MYH7: variants seen among roughly 807,000 people sequenced by gnomAD.
The protein encoded by MYH7 is myosin-7.
Under a neutral mutation model 225.4 loss-of-function variants are expected in MYH7, and 129 were observed. That is an observed-to-expected ratio of 0.57 (90% CI 0.50 to 0.66). The LOEUF (loss-of-function observed/expected upper bound fraction) is 0.66. Ranked by LOEUF, MYH7 falls within the 30% of genes least tolerant of loss-of-function variation. MYH7 has a pLI of 0.00. For synonymous variants in MYH7, 971 were observed against 1,007.6 expected (o/e 0.96, Z 0.69); for missense variants, 1,649 against 2,517.0 (o/e 0.66, Z 7.38).
chr14:23,419,937 G>A lies in MYH7; in HGVS notation c.3634C>T (p.Arg1212Trp), dbSNP rs1555337102. The change falls in exon 27 of 40, where the codon CGG becomes TGG. Residue 1212 changes from arginine (R) to tryptophan (W), a missense_variant. Transcript: ENST00000355349. The stretch of plus-strand genomic sequence containing the variant: ...TCCTTCTCCAGCTTCTGCTTCACCC[G>A]CTGCAGGTTGTCGATCTGCTCGCCC... ...ELGEQIDNLQ[R>W]VKQKLEKEKS... 6.8e-6 allele frequency: 11 copies of A among 1,611,040 alleles called. No individual in the cohort carries two copies. Among genetic ancestry groups the A allele is most frequent in the Non-Finnish European group, 8.5e-6 (10 of 1,178,084 alleles).
chr14:23,424,958 C>G lies in MYH7; in HGVS notation c.2490G>C (p.Met830Ile). ...GCGGCTTGATCTTGAAGTAGAGCTTCATCCAGGGCCAATTCTTGACCCCCA... is the reference window on the plus strand; with the variant it reads ...GCGGCTTGATCTTGAAGTAGAGCTTGATCCAGGGCCAATTCTTGACCCCCA... ...AFMGVKNWPW[M>I]KLYFKIKPLL... The change falls in exon 22 of 40, where the codon ATG becomes ATC. Residue 830 changes from methionine to isoleucine, a missense_variant. This residue lies in a region of MYH7 where 10 missense variants were observed against 35.5 expected (regional missense o/e 0.28). Coordinates refer to ENST00000355349, the MANE Select transcript of MYH7 (RefSeq NM_000257.4). 6.2e-7 allele frequency: 1 copy of G among 1,614,230 alleles called. No individual in the cohort carries two copies. Among genetic ancestry groups the G allele is most frequent in the Non-Finnish European group, 8.5e-7 (1 of 1,180,044 alleles).
rs15808 is a variant in MYH7, at chr14:23,412,848, G to T, written c.*6C>A. 1 of 1,614,072 alleles carries T rather than the reference G, an allele frequency of 6.2e-7. No individual in the cohort carries two copies. The highest frequency in any genetic ancestry group is 8.5e-7 in the Non-Finnish European group (1 of 1,179,984). Reference sequence around the variant, plus strand: ...CCAGGGCTGAGCAGATCAAGATGTGGCAAAGCTACTCCTCATTCAAGCCCT... The same window carrying T: ...CCAGGGCTGAGCAGATCAAGATGTGTCAAAGCTACTCCTCATTCAAGCCCT... On this transcript the variant is annotated 3_prime_UTR_variant, in exon 40 of 40. Coordinates refer to ENST00000355349, the MANE Select transcript of MYH7 (RefSeq NM_000257.4).
intron 29 of MYH7, 102 bp downstream of exon 29, chr14:23,419,075 T>C (rs1489750626): frequency 1.9e-6 from 2 of 1,054,188 alleles, no homozygotes; most frequent in African/African-American, 1.6e-5. Context: ...TGGAGAACTG[T>C]TGGTCCACAG....
In MYH7 at chr14:23,420,999, C is replaced by T; in HGVS notation, c.3295G>A (p.Ala1099Thr). ...TTCTTCTGCAGCTGGCTGCCGAGGG[C>T]CTGTTCATCCTCAATCCTTGCGTTG... The part of the protein sequence containing the change: ...ALNARIEDEQ[A>T]LGSQLQKKLK... Residue 1099 changes from alanine to threonine, a missense_variant, in exon 26 of 40, where the codon GCC (alanine) becomes ACC (threonine). This residue lies in a region of MYH7 where 282 missense variants were observed against 315.3 expected (regional missense o/e 0.89). Coordinates refer to ENST00000355349, the MANE Select transcript of MYH7 (RefSeq NM_000257.4). 6.2e-7 allele frequency: 1 copy of T among 1,612,632 alleles called. No individual in the cohort carries two copies. Among genetic ancestry groups the T allele is most frequent in the Non-Finnish European group, 8.5e-7 (1 of 1,180,012 alleles).
intron 6 of MYH7, among the ~76,000 whole-genome samples, chr14:23,432,098 T>C (rs1390749924): frequency 1.3e-5 from 2 of 152,220 alleles, no homozygotes; most frequent in East Asian, 3.8e-4. Flanking sequence ...AGCCTGTGCT[T>C]GGCTGGGCAA....
chr14:23,432,818 G>GACTT, intron 4 of MYH7, 23 bp from the exon 5 acceptor site: 1 of 1,614,118 alleles, frequency 6.2e-7, no homozygotes, highest in African/African-American at 1.3e-5. Flanking sequence ...AAGGAGCAGT[G>GACTT]ACTTGCCAGT....
intron 30 of MYH7, 150 bp from the exon 31 acceptor site, chr14:23,417,836 T>C: frequency 1.8e-6 from 2 of 1,141,304 alleles, no homozygotes; most frequent in South Asian, 2.7e-5. Context: ...GCCGAGAACA[T>C]CAGGCAGAGG....
intron 26 of MYH7, 49 bp downstream of exon 26, chr14:23,420,909 C>G: frequency 1.4e-6 from 2 of 1,463,562 alleles, no homozygotes; most frequent in Non-Finnish European, 9.6e-7. Flanking sequence ...GCAGGGGAAA[C>G]AGAACCAGCC....
intron 26 of MYH7, among the ~76,000 whole-genome samples, chr14:23,420,455 C>T: frequency 6.6e-6 from 1 of 152,180 alleles, no homozygotes; most frequent in Non-Finnish European, 1.5e-5. Context: ...GTGGTTGAAA[C>T]TTGCTCTTAA....
intron 10 of MYH7, 27 bp from the exon 11 acceptor site, chr14:23,430,690 G>A: frequency 6.3e-7 from 1 of 1,585,114 alleles, no homozygotes; most frequent in Non-Finnish European, 8.7e-7. Context: ...GGTTAGGGTG[G>A]GACACAAGCC....
At chr14:23,426,657 G>A (rs780223047) in intron 18 of MYH7, 120 bp downstream of exon 18, 8 of 905,738 alleles carry the variant, frequency 8.8e-6, no homozygotes, top group Non-Finnish European at 1.3e-5. Context: ...CATGCGGGAT[G>A]GGAGGAGAAG....
In MYH7 at chr14:23,420,133, G is replaced by A. The variant is rs876657519; in HGVS notation, c.3438C>T (p.Ile1146=). 3 of 1,606,440 alleles carry A rather than the reference G, an allele frequency of 1.9e-6. No individual in the cohort carries two copies. Among genetic ancestry groups the A allele is most frequent in the Non-Finnish European group, 2.5e-6 (3 of 1,178,438 alleles). ...CGCCGGCCTCTTCCAGCCGCTCGCT[G>A]ATCTCCTCCAGCTCCCGAGACAGGT... is the stretch of plus-strand genomic sequence containing the variant. ...RSDLSRELEE[I]SERLEEAGGA... Residue 1146 remains isoleucine, a synonymous_variant, in exon 27 of 40, where the codon ATC becomes ATT. Coordinates refer to ENST00000355349, the MANE Select transcript of MYH7 (RefSeq NM_000257.4).
At position 23,425,164 on chromosome 14, in the gene MYH7, A is replaced by G; in HGVS notation, c.2423+118T>C. The G allele has an allele frequency of 1.3e-6, 2 of 1,600,006 alleles. No individual in the cohort carries two copies. The highest frequency in any genetic ancestry group is 1.3e-5 in the African/African-American group (1 of 74,656). On this transcript the variant is annotated intron_variant, in intron 21 of 39. Transcript: ENST00000355349. The surrounding 1 kb of genome is among the most constrained non-coding windows in gnomAD (Gnocchi z 4.6). The stretch of plus-strand genomic sequence containing the variant: ...GACCCTGTGACTGCAGTGTGTTCAT[A>G]TGAGCCCCTCCTGCAGGTCTCTGTG...
intron 25 of MYH7, 46 bp from the exon 26 acceptor site, chr14:23,421,094 TCAGGAGGGTCCAC>T (rs746447097): frequency 7.0e-6 from 10 of 1,419,776 alleles, no homozygotes; most frequent in African/African-American, 1.4e-5. Flanking sequence ...TCGTGGGGCC[TCAGGAGGGTCCAC>T]CAGTGGTTGA....
intron 25 of MYH7, chr14:23,421,845 C>G (rs1419652937): frequency 2.2e-6 from 2 of 921,064 alleles, no homozygotes; most frequent in African/African-American, 1.8e-5. Context: ...CTAAGAGGCT[C>G]TCATGTGGAG....
chr14:23,433,483 C>A lies in MYH7; in HGVS notation c.201+49G>T. On this transcript the variant is annotated intron_variant, in intron 3 of 39. Transcript: ENST00000355349. This position sits in a 1 kb window ranked among gnomAD's most constrained non-coding sequence, Gnocchi z 4.1. ...ATGGGTGTACCCCTCTCTGTCCACC[C>A]AGGTGTACAGGTGGCCAGGGTGGAC... 6.3e-7 allele frequency: 1 copy of A among 1,580,824 alleles called. No homozygotes were observed. Among genetic ancestry groups the A allele is most frequent in the South Asian group, 1.1e-5 (1 of 90,246 alleles).
At chr14:23,422,467 G>A (rs1374043270) in intron 24 of MYH7, 142 bp from the exon 25 acceptor site, 7 of 1,079,038 alleles carry the variant, frequency 6.5e-6, no homozygotes, top group Non-Finnish European at 8.2e-6. Flanking sequence ...TGTTATTAGG[G>A]GACTGTGAGA....
rs61677533 is a variant in MYH7 at position 23,423,436 on chromosome 14, A to AAC, written c.3099+109_3099+110dup. 0.04 allele frequency: 32,536 copies of AAC among 818,982 alleles called. 178 individuals are homozygous for AAC. The highest frequency in any genetic ancestry group is 0.043 in the African/African-American group (2,267 of 52,126). The allele number at this position is 818,982 out of a possible 1,614,324, so 50.7% of individuals were successfully genotyped here. ...CTACCCCCCTCTAAACATAAACACAAACACACACACACACACACACACACA... is the reference window on the plus strand; with the variant it reads ...CTACCCCCCTCTAAACATAAACACAAACACACACACACACACACACACACACA... On this transcript the variant is annotated intron_variant, in intron 24 of 39. Transcript: ENST00000355349.
At chr14:23,422,865 G>C (rs919609220) in intron 24 of MYH7, among the ~76,000 whole-genome samples, 1 of 152,108 alleles carries the variant, frequency 6.6e-6, no homozygotes, top group Non-Finnish European at 1.5e-5. Context: ...TCTTGACCTC[G>C]TGATCCACCC....
Sources: allele counts gnomAD v4.1 joint callset (sites outside exome capture counted in the v4.1 genomes callset), GRCh38; gene constraint gnomAD v4.1.1; regional missense constraint gnomAD v4.1.1; non-coding constraint Gnocchi (gnomAD v3.1); transcripts MANE v1.5; gene names NCBI Gene and HGNC (gene_info 2026-07-23, HGNC 2026-07-21).